CLEC4G: variants seen among roughly 807,000 people sequenced by gnomAD.
CLEC4G encodes the protein C-type lectin superfamily 4, member G.
In CLEC4G, 34 loss-of-function variants were observed where a neutral mutation model predicts 37.0. The observed-to-expected ratio is 0.92, with a 90% confidence interval of 0.70 to 1.22. The LOEUF is 1.22. Among genes scored for constraint, CLEC4G ranks in the 50% most tolerant of loss-of-function variants. The pLI is 0.00. For missense variants in CLEC4G, 390 were observed against 392.9 expected (o/e 0.99, Z 0.06); for synonymous variants, 167 against 165.6 (o/e 1.01, Z -0.06).
In CLEC4G at chr19:7,731,512, G is replaced by A. The variant is rs2033432817; in HGVS notation, c.166+149C>T. The A allele has an allele frequency of 6.2e-6, 9 of 1,458,264 alleles. 1 individual carries two copies. The highest frequency in any genetic ancestry group is 3.6e-4 in the Middle Eastern group (2 of 5,544). 90.3% of individuals were successfully genotyped at this position (1,458,264 alleles called of 1,614,324 possible). A position where few individuals can be genotyped will look rare whatever the true frequency, so the allele number is the denominator to read the frequency against. On this transcript the variant is annotated intron_variant, in intron 2 of 8. Coordinates refer to ENST00000328853, the MANE Select transcript of CLEC4G (RefSeq NM_198492.4). ...ATACGAGCACGCCATGTGCACACGC[G>A]TGAGTGCACACGGCCCAAAGATGTA...
rs1319458429 is a variant in CLEC4G, at chr19:7,730,985, A to G, written c.283+41T>C. ...GCCCCCCTCCCATCGCGGCCGCAAG[A>G]CCCCATCCCTGCGCCCACAGCCTCG... On this transcript the variant is annotated intron_variant, in intron 4 of 8. Transcript: ENST00000328853. This position sits in a 1 kb window ranked among gnomAD's most constrained non-coding sequence, Gnocchi z 7.3. 6.4e-7 allele frequency: 1 copy of G among 1,560,602 alleles called. No homozygotes were observed. Among genetic ancestry groups the G allele is most frequent in the South Asian group, 1.1e-5 (1 of 87,338 alleles).
chr19:7,731,416 G>T (rs1338621574), intron 2 of CLEC4G, 97 bp from the exon 3 acceptor site: 3 of 1,508,620 alleles, frequency 2.0e-6, no homozygotes, highest in Non-Finnish European at 2.7e-6. Flanking sequence ...CACGGAGCGG[G>T]CGGGCAGGCA....
At position 7,731,253 on chromosome 19, in the gene CLEC4G, G is replaced by C. The variant is rs1239398226; in HGVS notation, c.220+13C>G. On this transcript the variant is annotated intron_variant, in intron 3 of 8. Coordinates refer to ENST00000328853, the MANE Select transcript of CLEC4G (RefSeq NM_198492.4). ...CACGCCCCGGGGGCCCAGGCGCCCGGCTCTGCACACACCGTTTGTCCTCAG... is the reference window on the plus strand; with the variant it reads ...CACGCCCCGGGGGCCCAGGCGCCCGCCTCTGCACACACCGTTTGTCCTCAG... 1 of 1,590,464 alleles carries C rather than the reference G, an allele frequency of 6.3e-7. No individual in the cohort carries two copies. The highest frequency in any genetic ancestry group is 1.7e-5 in the Admixed American group (1 of 57,392).
Position 7,731,727 on chromosome 19 carries a change from A to G in CLEC4G, c.100T>C (p.Leu34=). The part of the protein sequence containing the change: ...WVHWSRRPLF[L]ALAVLVTTVL... ...GTGGTGACCAGGACAGCCAGGGCCA[A>G]GAAGAGGGGTCTCCTGCTCCAGTGC... is the stretch of plus-strand genomic sequence containing the variant. Residue 34 remains leucine, a synonymous_variant, in exon 2 of 9, where the codon TTG becomes CTG. Transcript: ENST00000328853. 3 of 1,614,094 alleles carry G rather than the reference A, an allele frequency of 1.9e-6. No homozygotes were observed.
Position 7,730,891 on chromosome 19 carries a change from G to C in CLEC4G, c.284-32C>G, listed in dbSNP as rs1275171922. On this transcript the variant is annotated intron_variant, in intron 4 of 8. Transcript: ENST00000328853. The surrounding 1 kb of genome is among the most constrained non-coding windows in gnomAD (Gnocchi z 7.3). ...GCCGCAGGGTGAGAGGGGCGAGGGC[G>C]GCGAGGATGGGGCGGGACTTCGGAG... is the stretch of plus-strand genomic sequence containing the variant. 1 of 1,524,698 alleles carries C rather than the reference G, an allele frequency of 6.6e-7. No individual in the cohort carries two copies. The highest frequency in any genetic ancestry group is 8.8e-7 in the Non-Finnish European group (1 of 1,142,222). 94.4% of individuals were successfully genotyped at this position (1,524,698 alleles called of 1,614,324 possible).
chr19:7,731,935 G>A, intron 1 of CLEC4G, 113 bp downstream of exon 1: 3 of 1,477,614 alleles, frequency 2.0e-6, no homozygotes, highest in Non-Finnish European at 2.8e-6. Flanking sequence ...TGGCTCTATG[G>A]CCTGTGGTGT....
At chr19:7,731,957 C>G in intron 1 of CLEC4G, 91 bp downstream of exon 1, 1 of 1,461,594 alleles carries the variant, frequency 6.8e-7, no homozygotes, top group Non-Finnish European at 9.5e-7. Flanking sequence ...TCTCCTGCAC[C>G]CACAACCCTG....
chr19:7,730,279 A>G lies in CLEC4G; in HGVS notation c.478+72T>C. 6.4e-7 allele frequency: 1 copy of G among 1,572,666 alleles called. No individual in the cohort carries two copies. Among genetic ancestry groups the G allele is most frequent in the South Asian group, 1.1e-5 (1 of 86,994 alleles). On this transcript the variant is annotated intron_variant, in intron 6 of 8. Transcript: ENST00000328853. The surrounding 1 kb of genome is among the most constrained non-coding windows in gnomAD (Gnocchi z 7.3). Reference sequence around the variant, plus strand: ...GGCTCAGGGGTGGAGACACAGAACCAGGCCAAGGTCCAGGAGTGACAGGGT... The same window carrying G: ...GGCTCAGGGGTGGAGACACAGAACCGGGCCAAGGTCCAGGAGTGACAGGGT...
chr19:7,731,577 G>A, intron 2 of CLEC4G, 84 bp downstream of exon 2: 2 of 1,542,384 alleles, frequency 1.3e-6, no homozygotes, highest in Non-Finnish European at 8.8e-7. Flanking sequence ...CAGGACCCCA[G>A]GATGCAGCTG....
In CLEC4G at chr19:7,730,888, G is replaced by A. The variant is rs1250008891; in HGVS notation, c.284-29C>T. 2.0e-6 allele frequency: 3 copies of A among 1,526,096 alleles called. No individual in the cohort carries two copies. The highest frequency in any genetic ancestry group is 2.0e-5 in the Admixed American group (1 of 50,432). The allele number at this position is 1,526,096 out of a possible 1,614,324, so 94.5% of individuals were successfully genotyped here. On this transcript the variant is annotated intron_variant, in intron 4 of 8. Transcript: ENST00000328853. The surrounding 1 kb of genome is among the most constrained non-coding windows in gnomAD (Gnocchi z 7.3). ...GGAGCCGCAGGGTGAGAGGGGCGAG[G>A]GCGGCGAGGATGGGGCGGGACTTCG...
Position 7,729,331 on chromosome 19 carries a change from C to G in CLEC4G, c.*35G>C. ...TGAGCAGCCCCCAGGATACGACATG[C>G]TGCAATGGGCGCGGCTCCAGGGCAC... On this transcript the variant is annotated 3_prime_UTR_variant, in exon 9 of 9. Coordinates refer to ENST00000328853, the MANE Select transcript of CLEC4G (RefSeq NM_198492.4). The G allele has an allele frequency of 6.8e-7, 1 of 1,473,430 alleles. No individual in the cohort carries two copies. Among genetic ancestry groups the G allele is most frequent in the Non-Finnish European group, 9.5e-7 (1 of 1,055,806 alleles). 91.3% of individuals were successfully genotyped at this position (1,473,430 alleles called of 1,614,324 possible).
chr19:7,732,052 G>A lies in CLEC4G; in HGVS notation c.51C>T (p.Pro17=), dbSNP rs140534163. 96 of 1,605,674 alleles carry A rather than the reference G, an allele frequency of 6.0e-5. No homozygotes were observed. In the African/African-American group the frequency reaches 1.0e-3, roughly 17 times the overall value. The part of the protein sequence containing the change: ...SKWGGSSEEV[P]GGPWGRWVHW... Reference sequence around the variant, plus strand: ...GGGCAGTCTCCTTGCTCATACCTCCGGGGACCTCCTCGGAGCTGCCGCCCC... The same window carrying A: ...GGGCAGTCTCCTTGCTCATACCTCCAGGGACCTCCTCGGAGCTGCCGCCCC... The change falls in exon 1 of 9, where the codon CCC becomes CCT. Residue 17 remains proline (P), a synonymous_variant. Transcript: ENST00000328853.
chr19:7,729,708 C>T, intron 8 of CLEC4G, 113 bp downstream of exon 8: 2 of 1,517,744 alleles, frequency 1.3e-6, no homozygotes, highest in Non-Finnish European at 1.8e-6. Flanking sequence ...TCCAGCCTGC[C>T]CATCCCTAAG....
chr19:7,730,414 T>C lies in CLEC4G; in HGVS notation c.415A>G (p.Arg139Gly). 2 of 1,601,886 alleles carry C rather than the reference T, an allele frequency of 1.2e-6. No homozygotes were observed. The highest frequency in any genetic ancestry group is 1.7e-6 in the Non-Finnish European group (2 of 1,179,864). ...TCAGTGCGGACGTCCTCACGGCCCC[T>C]GCCGGCTTCAGCCAAGCCCTGGGTC... Reference protein sequence around the residue: ...RVTQGLAEAGRGREDVRTELF... With the variant: ...RVTQGLAEAGGGREDVRTELF... The change falls in exon 6 of 9, where the codon AGG (arginine) becomes GGG (glycine). Residue 139 changes from arginine to glycine, a missense_variant. Physicochemically the swap from Arg to Gly is moderately radical, Grantham distance 125. Transcript: ENST00000328853. This position sits in a 1 kb window ranked among gnomAD's most constrained non-coding sequence, Gnocchi z 7.3.
At chr19:7,731,349 C>T (rs12978097) in intron 2 of CLEC4G, 30 bp from the exon 3 acceptor site, 518,784 of 1,549,510 alleles carry the variant, frequency 0.33, 91,332 homozygotes, top group East Asian at 0.57. Flanking sequence ...CAGGCGAGGC[C>T]GGGAACTCGG....
rs1205159966 is a variant in CLEC4G at position 7,730,667 on chromosome 19, G to GC, written c.388+87_388+88insG. On this transcript the variant is annotated intron_variant, in intron 5 of 8. Transcript: ENST00000328853. The surrounding 1 kb of genome is among the most constrained non-coding windows in gnomAD (Gnocchi z 7.3). ...GCGTCAGGGTCAGGACGGGGTGCATGATCGGGGTCGGGGGTCAGCACTCAG... is the reference window on the plus strand; with the variant it reads ...GCGTCAGGGTCAGGACGGGGTGCATGCATCGGGGTCGGGGGTCAGCACTCAG... 4 of 1,470,274 alleles carry GC rather than the reference G, an allele frequency of 2.7e-6. No individual in the cohort carries two copies. The highest frequency in any genetic ancestry group is 3.6e-6 in the Non-Finnish European group (4 of 1,113,928). 91.1% of individuals were successfully genotyped at this position (1,470,274 alleles called of 1,614,324 possible).
rs1328812720 is a variant in CLEC4G at position 7,730,804 on chromosome 19, C to T, written c.339G>A (p.Gln113=). The change falls in exon 5 of 9, where the codon CAG becomes CAA. Residue 113 remains glutamine (Q), a synonymous_variant. Coordinates refer to ENST00000328853, the MANE Select transcript of CLEC4G (RefSeq NM_198492.4). This position sits in a 1 kb window ranked among gnomAD's most constrained non-coding sequence, Gnocchi z 7.3. ...QTTRAELGEA[Q]AKLMEQESAL... ...CGCTCTCCTGCTCCATCAGCTTCGC[C>T]TGCGCCTCCCCAAGCTCCGCGCGCG... 1.3e-6 allele frequency: 2 copies of T among 1,532,784 alleles called. No homozygotes were observed. The highest frequency in any genetic ancestry group is 2.0e-5 in the Admixed American group (1 of 50,926). The allele number at this position is 1,532,784 out of a possible 1,614,324, so 94.9% of individuals were successfully genotyped here.
At chr19:7,731,379 G>T in intron 2 of CLEC4G, 60 bp from the exon 3 acceptor site, 2 of 1,530,098 alleles carry the variant, frequency 1.3e-6, no homozygotes, top group Non-Finnish European at 8.8e-7. Context: ...CCTCGCCCGG[G>T]GGGTGCAGCG....
At chr19:7,729,985 C>T (rs752741607) in intron 7 of CLEC4G, 34 bp downstream of exon 7, 24 of 1,606,736 alleles carry the variant, frequency 1.5e-5, no homozygotes, top group East Asian at 2.2e-5. Flanking sequence ...CCGCCCTGCC[C>T]CACCGCCTGA....
Sources: allele counts gnomAD v4.1 joint callset, GRCh38; gene constraint gnomAD v4.1.1; non-coding constraint Gnocchi (gnomAD v3.1); transcripts MANE v1.5; gene names NCBI Gene and HGNC (gene_info 2026-07-23, HGNC 2026-07-21).